C3orf33: variants seen among roughly 807,000 people sequenced by gnomAD.
C3orf33 encodes the protein mitochondrial inner membrane subdomain organizer 1.
C3orf33 carries 23 observed loss-of-function variants against 28.7 expected under a neutral mutation model. That is an observed-to-expected ratio of 0.80 (90% CI 0.58 to 1.13). The LOEUF (loss-of-function observed/expected upper bound fraction) is 1.13. Ranked by LOEUF, C3orf33 falls within the 50% of genes most tolerant of loss-of-function variation. The probability of loss-of-function intolerance (pLI) is 0.00; values close to 1 mark genes in which losing one functional copy is unlikely to be tolerated. For missense variants in C3orf33, 327 were observed against 353.4 expected (o/e 0.93, Z 0.60); for synonymous variants, 119 against 120.5 (o/e 0.99, Z 0.08).
At chr3:155,780,555 C>T (rs1452761405) in intron 2 of C3orf33, among the ~76,000 whole-genome samples, 1 of 152,182 alleles carries the variant, frequency 6.6e-6, no homozygotes. Flanking sequence ...TTGCAATTAT[C>T]AACCAGTAAC....
chr3:155,785,342 A>G (rs1751066653), intron 2 of C3orf33, among the ~76,000 whole-genome samples: 1 of 152,118 alleles, frequency 6.6e-6, no homozygotes, highest in Admixed American at 6.6e-5. Flanking sequence ...TAAATAATAA[A>G]ATAAATCGCT....
At chr3:155,785,281 T>G (rs1259142607) in intron 2 of C3orf33, among the ~76,000 whole-genome samples, 4 of 152,012 alleles carry the variant, frequency 2.6e-5, no homozygotes, top group Non-Finnish European at 5.9e-5. Context: ...CACCCCACTC[T>G]CATAATGAAT....
chr3:155,795,177 C>G (rs914080208), intron 2 of C3orf33, among the ~76,000 whole-genome samples: 1 of 152,200 alleles, frequency 6.6e-6, no homozygotes, highest in African/African-American at 2.4e-5. Context: ...AATTTCAAGC[C>G]GTGTGCGGTG....
intron 2 of C3orf33, among the ~76,000 whole-genome samples, chr3:155,795,963 AAT>A (rs1751465110): frequency 1.3e-5 from 2 of 149,930 alleles, no homozygotes; most frequent in African/African-American, 4.8e-5. Flanking sequence ...CTAAAAAAAT[AAT>A]AATAATAATA....
intron 2 of C3orf33, among the ~76,000 whole-genome samples, chr3:155,776,759 CAAAAAAAAAAA>C (rs10654812): frequency 0.35 from 30,812 of 87,660 alleles, 4,564 homozygotes; most frequent in East Asian, 0.64. Context: ...CTGACTCTGT[CAAAAAAAAAAA>C]AAAAAAAAAA....
At chr3:155,777,055 T>C (rs990375609) in intron 2 of C3orf33, among the ~76,000 whole-genome samples, 2 of 152,112 alleles carry the variant, frequency 1.3e-5, no homozygotes, top group Non-Finnish European at 2.9e-5. Context: ...TGGTGGCTCA[T>C]GCCTGTAATC....
chr3:155,806,211 G>T lies in C3orf33; in HGVS notation c.42C>A (p.Asp14Glu). ...CGACGTTGGGCTCCATTCCGTCCTT[G>T]TCGGCAGACGGCGAGCCGGTGGCCG... ...QPAATGSPSA[D>E]KDGMEPNVVA... The change falls in exon 1 of 5, where the codon GAC (aspartate) becomes GAA (glutamate). Residue 14 changes from aspartate (D) to glutamate (E), a missense_variant. Transcript: ENST00000340171. 6.7e-7 allele frequency: 1 copy of T among 1,490,460 alleles called. No homozygotes were observed. Among genetic ancestry groups the T allele is most frequent in the South Asian group, 1.3e-5 (1 of 79,080 alleles). 92.3% of individuals were successfully genotyped at this position (1,490,460 alleles called of 1,614,324 possible). A position where few individuals can be genotyped will look rare whatever the true frequency, so the allele number is the denominator to read the frequency against.
chr3:155,803,977 A>C (rs145802916), intron 1 of C3orf33: 21,811 of 206,024 alleles, frequency 0.11, 1,486 homozygotes, highest in Non-Finnish European at 0.14. Flanking sequence ...GGAGTTCGAG[A>C]CCAGCCTGGC....
chr3:155,781,329 G>T (rs1042627820), intron 2 of C3orf33, among the ~76,000 whole-genome samples: 12 of 152,038 alleles, frequency 7.9e-5, no homozygotes. Flanking sequence ...GTTACTTGGG[G>T]TTTCTCTTAC....
chr3:155,777,088 C>A (rs1302638006), intron 2 of C3orf33, among the ~76,000 whole-genome samples: 1 of 151,874 alleles, frequency 6.6e-6, no homozygotes, highest in Non-Finnish European at 1.5e-5. Context: ...GAGGCCGAGG[C>A]GGGAGGATCA....
At chr3:155,765,660 G>C (rs1750381284) in intron 4 of C3orf33, among the ~76,000 whole-genome samples, 1 of 152,046 alleles carries the variant, frequency 6.6e-6, no homozygotes, top group Admixed American at 6.6e-5. Flanking sequence ...TGATTCTCTT[G>C]CCTCAACCTC....
At chr3:155,772,753 T>C (rs1750627421) in intron 3 of C3orf33, among the ~76,000 whole-genome samples, 1 of 149,094 alleles carries the variant, frequency 6.7e-6, no homozygotes, top group East Asian at 2.0e-4. Flanking sequence ...AATGTTTCAG[T>C]TCATAAAATT....
intron 2 of C3orf33, among the ~76,000 whole-genome samples, chr3:155,779,369 A>G (rs891025231): frequency 6.6e-6 from 1 of 152,022 alleles, no homozygotes; most frequent in African/African-American, 2.4e-5. Context: ...ATCTCGGCTC[A>G]CTACAATCTC....
At chr3:155,780,908 A>C (rs1347579421) in intron 2 of C3orf33, among the ~76,000 whole-genome samples, 2 of 152,222 alleles carry the variant, frequency 1.3e-5, no homozygotes, top group Admixed American at 1.3e-4. Flanking sequence ...CCTATGCAAT[A>C]AGAAAAGTCC....
intron 3 of C3orf33, among the ~76,000 whole-genome samples, chr3:155,773,506 AG>A (rs1385306080): frequency 3.3e-5 from 5 of 152,370 alleles, no homozygotes; most frequent in Admixed American, 1.3e-4. Context: ...TAATCTCTAT[AG>A]AAAATATTAA....
intron 2 of C3orf33, among the ~76,000 whole-genome samples, chr3:155,802,146 A>G (rs1219394396): frequency 6.6e-6 from 1 of 152,256 alleles, no homozygotes; most frequent in Non-Finnish European, 1.5e-5. Context: ...AACTGGAAGC[A>G]TAAATTATTG....
intron 2 of C3orf33, 76 bp downstream of exon 2, chr3:155,802,452 CTGTT>C (rs1166052572): frequency 3.0e-6 from 3 of 1,003,008 alleles, no homozygotes; most frequent in African/African-American, 3.2e-5. Context: ...ATATGATACA[CTGTT>C]TGAGATAAAA....
At chr3:155,778,189 A>T (rs1750812280) in intron 2 of C3orf33, among the ~76,000 whole-genome samples, 1 of 151,182 alleles carries the variant, frequency 6.6e-6, no homozygotes, top group African/African-American at 2.4e-5. Flanking sequence ...TTCTTGATTA[A>T]AGGAGTCTAA....
At position 155,767,660 on chromosome 3, in the gene C3orf33, C is replaced by T. The variant is rs372934756; in HGVS notation, c.332G>A (p.Arg111His). 17 of 1,551,344 alleles carry T rather than the reference C, an allele frequency of 1.1e-5. No individual in the cohort carries two copies. The highest frequency in any genetic ancestry group is 2.3e-5 in the East Asian group (1 of 43,308). The change falls in exon 4 of 5, where the codon CGT becomes CAT. Residue 111 changes from arginine (R) to histidine (H), a missense_variant. Arg to His is a conservative substitution (Grantham distance 29, BLOSUM62 0). Coordinates refer to ENST00000340171, the MANE Select transcript of C3orf33 (RefSeq NM_001308229.2). Reference sequence around the variant, plus strand: ...AGCCAACTTAACCAGCAAAGCACCACGTGGCTCTTCTAAAAAGGTTAGGTA... The same window carrying T: ...AGCCAACTTAACCAGCAAAGCACCATGTGGCTCTTCTAAAAAGGTTAGGTA... The part of the protein sequence containing the change: ...PIIASLRKEP[R>H]GALLVKLAGV...
Sources: gnomAD v4.1 joint callset for allele counts (sites outside exome capture counted in the v4.1 genomes callset) on GRCh38, gnomAD v4.1.1 for gene constraint, MANE v1.5 for transcripts, NCBI Gene and HGNC (gene_info 2026-07-23, HGNC 2026-07-21) for gene names.